The following MED23 variants were observed in gnomAD, a reference collection of about 807,000 sequenced individuals.
MED23 encodes the protein mediator complex subunit 23, also known as mediator of RNA polymerase II transcription subunit 23.
In MED23, 105 loss-of-function variants were observed where a neutral mutation model predicts 163.9. The ratio of observed to expected loss-of-function variants is 0.64; its 90% CI spans 0.55 to 0.75. The LOEUF is 0.75. Ranked by LOEUF, MED23 falls within the 30% of genes least tolerant of loss-of-function variation. MED23 has a pLI of 0.00. For missense variants in MED23, 1,054 were observed against 1,649.0 expected (o/e 0.64, Z 6.25); for synonymous variants, 561 against 565.6 (o/e 0.99, Z 0.12).
intron 3 of MED23, among the ~76,000 whole-genome samples, chr6:131,625,444 A>C (rs534361306): frequency 4.1e-4 from 63 of 152,280 alleles, no homozygotes; most frequent in Middle Eastern, 3.4e-3. Context: ...CCCATTATGA[A>C]TCCAATGACA....
In MED23 at chr6:131,587,434, C is replaced by G. The variant is rs1185206291; in HGVS notation, c.*245G>C. 7.5e-7 allele frequency: 1 copy of G among 1,334,942 alleles called. No homozygotes were observed. The highest frequency in any genetic ancestry group is 9.6e-7 in the Non-Finnish European group (1 of 1,039,490). 82.7% of individuals were successfully genotyped at this position (1,334,942 alleles called of 1,614,324 possible). A position where few individuals can be genotyped will look rare whatever the true frequency, so the allele number is the denominator to read the frequency against. ...GATACCTCTATGTTCCTACATAGCT[C>G]TAATAAGTTGTTATGAATATGAACA... is the stretch of plus-strand genomic sequence containing the variant. On this transcript the variant is annotated 3_prime_UTR_variant, in exon 29 of 29. Coordinates refer to ENST00000368068, the MANE Select transcript of MED23 (RefSeq NM_004830.4).
intron 12 of MED23, among the ~76,000 whole-genome samples, chr6:131,606,826 A>G (rs927839724): frequency 6.6e-5 from 10 of 152,186 alleles, no homozygotes; most frequent in Non-Finnish European, 1.5e-4. Flanking sequence ...TATTTGGTAT[A>G]TGTTTTTACT....
intron 4 of MED23, among the ~76,000 whole-genome samples, chr6:131,624,041 C>T (rs1777307468): frequency 6.6e-6 from 1 of 152,278 alleles, no homozygotes; most frequent in African/African-American, 2.4e-5. Flanking sequence ...TTATATTTTA[C>T]TAGAAAGAAG....
chr6:131,619,137 C>T (rs1025581441), intron 8 of MED23, among the ~76,000 whole-genome samples: 1 of 152,190 alleles, frequency 6.6e-6, no homozygotes, highest in Non-Finnish European at 1.5e-5. Flanking sequence ...TAATTCACTA[C>T]ATGATATCAA....
rs754259099 is a variant in MED23 at position 131,581,341 on chromosome 6, A to G, written c.4095+6368T>C. ...ACCACAAGTGGAAACTTGCATGGAC[A>G]ACCTGTATCTTTCCTCCTGAAGGAA... On this transcript the variant is annotated intron_variant, in intron 30 of 30. Transcript: ENST00000354577. 1 of 1,613,876 alleles carries G rather than the reference A, an allele frequency of 6.2e-7. No individual in the cohort carries two copies. Among genetic ancestry groups the G allele is most frequent in the South Asian group, 1.1e-5 (1 of 91,048 alleles).
Position 131,619,898 on chromosome 6 carries a change from TAAAG to T in MED23, c.598-6_598-3del. 6.2e-7 allele frequency: 1 copy of T among 1,603,668 alleles called. No individual in the cohort carries two copies. The highest frequency in any genetic ancestry group is 8.5e-7 in the Non-Finnish European group (1 of 1,171,396). On this transcript the variant is annotated splice_polypyrimidine_tract_variant and splice_region_variant and intron_variant, in intron 7 of 28. Coordinates refer to ENST00000368068, the MANE Select transcript of MED23 (RefSeq NM_004830.4). ...GTCTGATACTAGGTTTCCAAGTAAC[TAAAG>T]AGAGAAAGAAAGAGGGAAGTCAAAT...
downstream of MED23, among the ~76,000 whole-genome samples, chr6:131,585,011 A>C (rs993485187): frequency 6.7e-6 from 1 of 149,880 alleles, no homozygotes; most frequent in African/African-American, 2.4e-5. Flanking sequence ...AAAAAAAAAA[A>C]CCAACCATAT....
chr6:131,600,411 G>A (rs950691836), intron 17 of MED23, among the ~76,000 whole-genome samples: 2 of 152,044 alleles, frequency 1.3e-5, no homozygotes, highest in Non-Finnish European at 2.9e-5. Flanking sequence ...TTTTTTTGAG[G>A]TTACAGAGTA....
Position 131,625,003 on chromosome 6 carries a change from G to A in MED23, c.160-14C>T. 10 of 1,612,852 alleles carry A rather than the reference G, an allele frequency of 6.2e-6. No homozygotes were observed. Among genetic ancestry groups the A allele is most frequent in the Non-Finnish European group, 8.5e-6 (10 of 1,179,670 alleles). The stretch of plus-strand genomic sequence containing the variant: ...TTCATGAGACTCCTGGAAAATGAGA[G>A]AATGATTTTACTTGGGGTCTAAAGT... On this transcript the variant is annotated splice_polypyrimidine_tract_variant and intron_variant, in intron 3 of 28. Coordinates refer to ENST00000368068, the MANE Select transcript of MED23 (RefSeq NM_004830.4).
At chr6:131,614,340 G>A (rs772653212) in intron 10 of MED23, among the ~76,000 whole-genome samples, 7 of 152,166 alleles carry the variant, frequency 4.6e-5, no homozygotes, top group Non-Finnish European at 8.8e-5. Context: ...CTTAAAAATA[G>A]GGCTTTATAA....
chr6:131,610,084 C>A lies in MED23; in HGVS notation c.1039G>T (p.Ala347Ser). The A allele has an allele frequency of 1.2e-6, 2 of 1,613,852 alleles. No individual in the cohort carries two copies. Among genetic ancestry groups the A allele is most frequent in the Non-Finnish European group, 8.5e-7 (1 of 1,179,884 alleles). ...GAAAGCACCATATGTGGAAAACTTG[C>A]AAACTGGAAAAGCACAAAGAAAATG... Reference protein sequence around the residue: ...QLIFFVLFQFASFPHMVLSLH... With the variant: ...QLIFFVLFQFSSFPHMVLSLH... Residue 347 changes from alanine to serine, a missense_variant, in exon 11 of 29, where the codon GCA (alanine) becomes TCA (serine). By Grantham distance (99) the Ala-to-Ser change is moderately conservative (BLOSUM62 1). Around this residue, in one of 11 missense-constraint regions of MED23, gnomAD observed 61 missense variants for 154.2 expected, o/e 0.40. Transcript: ENST00000368068.
Position 131,602,631 on chromosome 6 carries a change from T to A in MED23, c.1932-250A>T, listed in dbSNP as rs73779830. The stretch of plus-strand genomic sequence containing the variant: ...GCCTATAGGACTAAAAAATTTCACC[T>A]GGAGATACTGCATTTCAAAAATTAT... On this transcript the variant is annotated intron_variant, in intron 16 of 28. Transcript: ENST00000368068. 5.8e-3 allele frequency among the ~76,000 whole-genome samples: 888 copies of A among 152,302 alleles called. 9 individuals carry two copies. The highest frequency in any genetic ancestry group is 0.021 in the African/African-American group (853 of 41,572).
chr6:131,587,295 T>G lies in MED23; in HGVS notation c.*384A>C. 5 of 1,067,854 alleles carry G rather than the reference T, an allele frequency of 4.7e-6. No individual in the cohort carries two copies. Among genetic ancestry groups the G allele is most frequent in the Non-Finnish European group, 5.7e-6 (5 of 874,980 alleles). 66.1% of individuals were successfully genotyped at this position (1,067,854 alleles called of 1,614,324 possible). A position where few individuals can be genotyped will look rare whatever the true frequency, so the allele number is the denominator to read the frequency against. ...ATAACTGTTTTACATGTGTGGTGCC[T>G]TTAAAATAATATATCTGAAGACTAA... On this transcript the variant is annotated 3_prime_UTR_variant, in exon 29 of 29. Transcript: ENST00000368068.
At chr6:131,599,394 C>G (rs1431467992) in intron 18 of MED23, among the ~76,000 whole-genome samples, 3 of 152,058 alleles carry the variant, frequency 2.0e-5, no homozygotes, top group Non-Finnish European at 4.4e-5. Flanking sequence ...TGCCTTTCTC[C>G]TTATTAGAAA....
chr6:131,617,964 T>C (rs1270204062), intron 9 of MED23, among the ~76,000 whole-genome samples: 1 of 152,202 alleles, frequency 6.6e-6, no homozygotes, highest in Non-Finnish European at 1.5e-5. Context: ...CTAAGAAGAA[T>C]GGAGACAGTT....
Position 131,623,462 on chromosome 6 carries a change from C to T in MED23, c.285G>A (p.Arg95=). ...MAVETGLLPP[R]LVCESLINSD... is the part of the protein sequence containing the mutation. Reference sequence around the variant, plus strand: ...AGTTTATCAGGGATTCACAAACCAGCCTATAAAAAAAGAAATAGCCATTCC... The same window carrying T: ...AGTTTATCAGGGATTCACAAACCAGTCTATAAAAAAAGAAATAGCCATTCC... The change falls in exon 5 of 29, where the codon AGG becomes AGA. Residue 95 remains arginine, a splice_region_variant and synonymous_variant. Coordinates refer to ENST00000368068, the MANE Select transcript of MED23 (RefSeq NM_004830.4). 6.2e-7 allele frequency: 1 copy of T among 1,613,104 alleles called. No homozygotes were observed. Among genetic ancestry groups the T allele is most frequent in the Non-Finnish European group, 8.5e-7 (1 of 1,179,122 alleles).
chr6:131,614,433 A>G (rs937091041), intron 10 of MED23, among the ~76,000 whole-genome samples: 1 of 152,226 alleles, frequency 6.6e-6, no homozygotes, highest in African/African-American at 2.4e-5. Flanking sequence ...CGTCTTTTTA[A>G]AATCAAAAAG....
chr6:131,581,383 A>T, intron 30 of MED23: 3 of 1,611,422 alleles, frequency 1.9e-6, no homozygotes. Flanking sequence ...GGAAAGGTAA[A>T]AGACTGGTTG....
intron 4 of MED23, 135 bp from the exon 5 acceptor site, chr6:131,623,597 T>TA (rs1777272086): frequency 1.4e-6 from 1 of 736,038 alleles, no homozygotes; most frequent in African/African-American, 1.7e-5. Flanking sequence ...CCACGTGTCA[T>TA]GAGAAAAACC....
Sources: gnomAD v4.1 joint callset for allele counts (sites outside exome capture counted in the v4.1 genomes callset) on GRCh38, gnomAD v4.1.1 for gene constraint, gnomAD v4.1.1 regional missense constraint, MANE v1.5 for transcripts, NCBI Gene and HGNC (gene_info 2026-07-23, HGNC 2026-07-21) for gene names.